Variants in MTG2 observed in about 807,000 individuals in gnomAD.
MTG2 encodes the protein mitochondrial ribosome-associated GTPase 2.
MTG2 carries 23 observed loss-of-function variants against 28.6 expected under a neutral mutation model. The observed-to-expected ratio is 0.80, with a 90% CI of 0.58 to 1.14. MTG2 has a LOEUF of 1.14. MTG2 is among the 50% of genes most tolerant of loss of function. MTG2 has a pLI of 0.00. For missense variants in MTG2, 539 were observed against 552.0 expected, an observed-to-expected ratio of 0.98 and a Z score of 0.24; for synonymous variants, 260 against 251.8, an observed-to-expected ratio of 1.03 and a Z score of -0.31.
At chr20:62,197,705 C>T (rs919062826) in intron 3 of MTG2, 147 bp from the exon 4 acceptor site, 3 of 588,972 alleles carry the variant, frequency 5.1e-6, no homozygotes, top group Non-Finnish European at 8.9e-6. Flanking sequence ...TTTAAAAAAT[C>T]ACTTTGCTGG....
chr20:62,193,119 G>A (rs976340227), intron 1 of MTG2, among the ~76,000 whole-genome samples: 19 of 151,984 alleles, frequency 1.3e-4, no homozygotes, highest in Admixed American at 9.8e-4. Flanking sequence ...TAATATTTTC[G>A]TTGAGCGGAA....
chr20:62,183,090 G>GC (rs1303018913), intron 1 of MTG2, 33 bp downstream of exon 1: 3 of 143,008 alleles, frequency 2.1e-5, no homozygotes, highest in Non-Finnish European at 4.4e-5. Flanking sequence ...GGGAGCGTGG[G>GC]CCTGGGGGGT....
intron 3 of MTG2, chr20:62,197,469 C>CGAA (rs2058080876): frequency 6.4e-6 from 1 of 155,768 alleles, no homozygotes; most frequent in Non-Finnish European, 1.4e-5. Context: ...AGAGAGTTTC[C>CGAA]TGTCAGGGAA....
intron 1 of MTG2, among the ~76,000 whole-genome samples, chr20:62,191,133 G>C (rs1216995099): frequency 6.6e-6 from 1 of 152,174 alleles, no homozygotes; most frequent in African/African-American, 2.4e-5. Flanking sequence ...TGCTGAATTG[G>C]GAATGAGGAC....
chr20:62,194,400 A>G (rs188806432), intron 2 of MTG2, among the ~76,000 whole-genome samples: 1 of 152,250 alleles, frequency 6.6e-6, no homozygotes, highest in Non-Finnish European at 1.5e-5. Context: ...TCCCCAGGAG[A>G]GAAAGTGAGT....
intron 1 of MTG2, among the ~76,000 whole-genome samples, chr20:62,192,888 C>CGG (rs1431229372): frequency 1.3e-5 from 2 of 152,200 alleles, no homozygotes; most frequent in Non-Finnish European, 2.9e-5. Flanking sequence ...AGCCCGTCCT[C>CGG]ACCCAGCCGT....
At chr20:62,187,986 T>C (rs1394628803) in intron 1 of MTG2, among the ~76,000 whole-genome samples, 3 of 152,046 alleles carry the variant, frequency 2.0e-5, no homozygotes, top group African/African-American at 7.3e-5. Context: ...TAAATTCTGG[T>C]ATTTCATGGT....
intron 1 of MTG2, among the ~76,000 whole-genome samples, chr20:62,190,084 A>G (rs2057926241): frequency 6.6e-6 from 1 of 152,078 alleles, no homozygotes; most frequent in Admixed American, 6.6e-5. Flanking sequence ...TTGTTGGGCT[A>G]GTTCTGAGCA....
At position 62,186,797 on chromosome 20, in the gene MTG2, G is replaced by A. The variant is rs576873898; in HGVS notation, c.-6+3740G>A. 7.2e-5 allele frequency among the ~76,000 whole-genome samples: 11 copies of A among 152,028 alleles called. No individual in the cohort carries two copies. The East Asian group carries it at 2.1e-3, about 30-fold the overall frequency. ...GCCCACCTCGGCCTCCCAAAGTGCT[G>A]GGATTACAGGCATGAGCCACCGTGC... On this transcript the variant is annotated intron_variant, in intron 1 of 6. Transcript: ENST00000370823.
In MTG2 at chr20:62,198,697, G is replaced by C; in HGVS notation, c.532G>C (p.Asp178His). 1.9e-6 allele frequency: 3 copies of C among 1,614,180 alleles called. No individual in the cohort carries two copies. The highest frequency in any genetic ancestry group is 2.5e-6 in the Non-Finnish European group (3 of 1,180,056). Residue 178 changes from aspartate (D) to histidine (H), a missense_variant, in exon 5 of 7, where the codon GAT (aspartate) becomes CAT (histidine). Asp to His is a moderately conservative substitution (Grantham distance 81). Transcript: ENST00000370823. ...RVVADLSCVG[D>H]EYIAALGGAG... Reference sequence around the variant, plus strand: ...TGTGGCCGACCTGTCTTGCGTGGGAGATGAGTACATTGCCGCGCTGGGCGG... The same window carrying C: ...TGTGGCCGACCTGTCTTGCGTGGGACATGAGTACATTGCCGCGCTGGGCGG...
chr20:62,196,359 T>TA (rs58648226), intron 3 of MTG2, among the ~76,000 whole-genome samples: 82,744 of 143,612 alleles, frequency 0.58, 23,884 homozygotes, highest in East Asian at 0.88. Flanking sequence ...ACCCTATCTC[T>TA]AAAAAAAAAA....
Position 62,203,058 on chromosome 20 carries a change from T to C in MTG2, c.*1981T>C, listed in dbSNP as rs924688741. 1 of 152,262 alleles carries C rather than the reference T, an allele frequency of 6.6e-6. No homozygotes were observed. The highest frequency in any genetic ancestry group is 2.4e-5 in the African/African-American group (1 of 41,468). 9.4% of individuals were successfully genotyped at this position (152,262 alleles called of 1,614,324 possible). On this transcript the variant is annotated 3_prime_UTR_variant, in exon 7 of 7. Transcript: ENST00000370823. ...CTATCCTAGAAACCAGAGATGGGTT[T>C]TGCATCTATTTGCTTTTTCTTTCAG...
intron 1 of MTG2, among the ~76,000 whole-genome samples, chr20:62,184,335 G>A (rs1156812739): frequency 6.6e-6 from 1 of 152,082 alleles, no homozygotes; most frequent in South Asian, 2.1e-4. Flanking sequence ...TCCAGCCTAG[G>A]CAACAGAGCG....
rs561155322 is a variant in MTG2, at chr20:62,197,828, CTG to C, written c.353-23_353-22del. On this transcript the variant is annotated intron_variant, in intron 3 of 6. Transcript: ENST00000370823. ...CCATGGTTGTCGTAACACAAAGGGA[CTG>C]AGATTCTTGTTCTTGCTTTAGTTGA... The C allele has an allele frequency of 8.2e-4, 1,321 of 1,605,382 alleles. 1 individual carries two copies. Among genetic ancestry groups the C allele is most frequent in the Non-Finnish European group, 9.9e-4 (1,160 of 1,172,074 alleles).
rs1169321825 is a variant in MTG2, at chr20:62,201,017, G to T, written c.1161G>T (p.Val387=). ...AGCAGCTGCTGTTGCACCTGAAGGT[G>T]CTGTATGACGCCTACGCGGAGGCCG... is the stretch of plus-strand genomic sequence containing the variant. ...NLEQLLLHLK[V]LYDAYAEAEL... is the part of the protein sequence containing the mutation. The change falls in exon 7 of 7, where the codon GTG becomes GTT. Residue 387 remains valine, a synonymous_variant. Coordinates refer to ENST00000370823, the MANE Select transcript of MTG2 (RefSeq NM_015666.4). The T allele has an allele frequency of 3.1e-6, 5 of 1,612,532 alleles. No homozygotes were observed. The highest frequency in any genetic ancestry group is 4.2e-6 in the Non-Finnish European group (5 of 1,179,930).
intron 1 of MTG2, among the ~76,000 whole-genome samples, chr20:62,193,005 T>G (rs1485247668): frequency 3.3e-5 from 5 of 152,244 alleles, no homozygotes; most frequent in Non-Finnish European, 7.3e-5. Context: ...TGTGTTCCAA[T>G]GTAACAACTT....
rs1048618619 is a variant in MTG2, at chr20:62,202,587, C to T, written c.*1510C>T. 6.6e-6 allele frequency: 1 copy of T among 152,234 alleles called. No homozygotes were observed. Among genetic ancestry groups the T allele is most frequent in the African/African-American group, 2.4e-5 (1 of 41,380 alleles). 9.4% of individuals were successfully genotyped at this position (152,234 alleles called of 1,614,324 possible). On this transcript the variant is annotated 3_prime_UTR_variant, in exon 7 of 7. Transcript: ENST00000370823. ...CTAACACAGTGAAACCCCGTCTCTACTAAAAATACAAAAAAATTAGCCAGG... is the reference window on the plus strand; with the variant it reads ...CTAACACAGTGAAACCCCGTCTCTATTAAAAATACAAAAAAATTAGCCAGG...
At chr20:62,184,604 G>A (rs907326711) in intron 1 of MTG2, among the ~76,000 whole-genome samples, 7 of 152,140 alleles carry the variant, frequency 4.6e-5, no homozygotes, top group Non-Finnish European at 8.8e-5. Flanking sequence ...CTCAGTCTGA[G>A]TGGGCAGGGA....
rs1201790842 is a variant in MTG2, at chr20:62,197,832, G to T, written c.353-20G>T. ...GGTTGTCGTAACACAAAGGGACTGA[G>T]ATTCTTGTTCTTGCTTTAGTTGACC... On this transcript the variant is annotated intron_variant, in intron 3 of 6. Transcript: ENST00000370823. 6.2e-7 allele frequency: 1 copy of T among 1,609,640 alleles called. No individual in the cohort carries two copies. The highest frequency in any genetic ancestry group is 1.1e-5 in the South Asian group (1 of 91,010).
Sources: gnomAD v4.1 joint callset for allele counts (sites outside exome capture counted in the v4.1 genomes callset) on GRCh38, gnomAD v4.1.1 for gene constraint, MANE v1.5 for transcripts, NCBI Gene and HGNC (gene_info 2026-07-23, HGNC 2026-07-21) for gene names.